AGBL4: variants seen among roughly 807,000 people sequenced by gnomAD.
AGBL4 encodes the protein cytosolic carboxypeptidase 6.
A neutral mutation model predicts 66.4 loss-of-function variants in AGBL4; 58 were observed. That is an observed-to-expected ratio of 0.87 (90% confidence interval 0.71 to 1.09). AGBL4 has a LOEUF of 1.09. Ranked by LOEUF, AGBL4 falls within the 50% of genes least tolerant of loss-of-function variation. AGBL4 has a pLI of 0.00. For synonymous variants in AGBL4, 234 were observed against 222.9 expected, an observed-to-expected ratio of 1.05 and a Z score of -0.44; for missense variants, 579 against 631.0, an observed-to-expected ratio of 0.92 and a Z score of 0.88.
intron 4 of AGBL4, among the ~76,000 whole-genome samples, chr1:49,222,025 G>C (rs1433662952): frequency 1.3e-5 from 2 of 152,124 alleles, no homozygotes; most frequent in Non-Finnish European, 2.9e-5. Context: ...ATTAGGGCCT[G>C]TCTGAATCAT....
intron 6 of AGBL4, among the ~76,000 whole-genome samples, chr1:48,783,772 T>A (rs1191568531): frequency 1.3e-5 from 2 of 152,164 alleles, no homozygotes; most frequent in African/African-American, 4.8e-5. Flanking sequence ...CATTGATTTT[T>A]TTTGTTGTTT....
At chr1:48,547,566 A>G (rs1453752800) in intron 11 of AGBL4, among the ~76,000 whole-genome samples, 1 of 152,202 alleles carries the variant, frequency 6.6e-6, no homozygotes, top group Non-Finnish European at 1.5e-5. Context: ...GCTATGAGAC[A>G]TTAAGTATCC....
chr1:48,698,928 C>G (rs940949159), intron 6 of AGBL4, among the ~76,000 whole-genome samples: 1 of 152,198 alleles, frequency 6.6e-6, no homozygotes, highest in African/African-American at 2.4e-5. Context: ...GCTAGCTGCC[C>G]TTAGAAGCTG....
intron 6 of AGBL4, among the ~76,000 whole-genome samples, chr1:48,864,231 A>G (rs1205088698): frequency 3.3e-5 from 5 of 152,284 alleles, no homozygotes; most frequent in South Asian, 2.1e-4. Context: ...TATAACAGCA[A>G]TAAGATACCA....
intron 4 of AGBL4, among the ~76,000 whole-genome samples, chr1:49,068,227 C>T (rs1644528226): frequency 6.6e-6 from 1 of 151,072 alleles, no homozygotes; most frequent in Admixed American, 6.6e-5. Flanking sequence ...GAAATATAAC[C>T]CTTTTTCTCT....
intron 2 of AGBL4, among the ~76,000 whole-genome samples, chr1:49,816,125 G>C (rs1185663106): frequency 1.3e-5 from 2 of 152,134 alleles, no homozygotes; most frequent in East Asian, 3.9e-4. Flanking sequence ...GGACTCAAGT[G>C]GTCCTTCTGC....
At chr1:49,322,698 G>T (rs1175882229) in intron 3 of AGBL4, among the ~76,000 whole-genome samples, 1 of 152,204 alleles carries the variant, frequency 6.6e-6, no homozygotes, top group Non-Finnish European at 1.5e-5. Context: ...GAGAGGCAAG[G>T]AAGGAATCTC....
rs1370577607 is a variant in AGBL4 at position 48,797,771 on chromosome 1, T to C, written c.634+69420A>G. Among the ~76,000 whole-genome samples, 21 of 152,164 alleles carry C rather than the reference T, an allele frequency of 1.4e-4. 1 individual carries two copies. Among genetic ancestry groups the C allele is most frequent in the Admixed American group, 1.4e-3 (21 of 15,278 alleles). On this transcript the variant is annotated intron_variant, in intron 6 of 13. Transcript: ENST00000371839. ...CATGTTGGCCAGGCTGGACTTGAAC[T>C]CTTGACCTCAAGTGATATGCCCACC... is the stretch of plus-strand genomic sequence containing the variant.
chr1:49,640,700 T>C (rs1028112034), intron 3 of AGBL4, among the ~76,000 whole-genome samples: 5 of 152,244 alleles, frequency 3.3e-5, no homozygotes, highest in Non-Finnish European at 5.9e-5. Flanking sequence ...GAGATCTCCA[T>C]AGAAGGCCTT....
intron 5 of AGBL4, among the ~76,000 whole-genome samples, chr1:49,006,505 C>G (rs1384560839): frequency 7.2e-5 from 11 of 152,302 alleles, no homozygotes; most frequent in East Asian, 1.9e-4. Context: ...CGGGGAAGCT[C>G]GAACTGGGTG....
chr1:48,717,168 CT>C (rs1279105011), intron 6 of AGBL4, among the ~76,000 whole-genome samples: 1 of 152,124 alleles, frequency 6.6e-6, no homozygotes, highest in Non-Finnish European at 1.5e-5. Flanking sequence ...GCCTTTTTTT[CT>C]TCTGGCCTCT....
chr1:49,831,513 A>C (rs1305385420), intron 2 of AGBL4, among the ~76,000 whole-genome samples: 1 of 152,208 alleles, frequency 6.6e-6, no homozygotes, highest in East Asian at 1.9e-4. Flanking sequence ...TTTGGGGCTG[A>C]CACAATGGGG....
intron 6 of AGBL4, among the ~76,000 whole-genome samples, chr1:48,770,771 C>T (rs1644780867): frequency 6.6e-6 from 1 of 152,210 alleles, no homozygotes; most frequent in Non-Finnish European, 1.5e-5. Flanking sequence ...ACCACATCAT[C>T]ATCATACACA....
chr1:49,346,311 G>A (rs1645632662), intron 3 of AGBL4, among the ~76,000 whole-genome samples: 1 of 152,148 alleles, frequency 6.6e-6, no homozygotes. Flanking sequence ...ACCAACCAGT[G>A]ATCTCTGGCT....
chr1:48,535,673 C>T (rs932802386), intron 12 of AGBL4, among the ~76,000 whole-genome samples: 4 of 152,176 alleles, frequency 2.6e-5, no homozygotes, highest in Non-Finnish European at 5.9e-5. Context: ...ACAGAATACC[C>T]TTTATCCCCT....
At chr1:49,990,765 T>C (rs1659881623) in intron 1 of AGBL4, among the ~76,000 whole-genome samples, 3 of 152,214 alleles carry the variant, frequency 2.0e-5, no homozygotes, top group African/African-American at 7.2e-5. Context: ...ACTATAAAAC[T>C]GATGATACTA....
intron 2 of AGBL4, among the ~76,000 whole-genome samples, chr1:49,787,381 T>C (rs1156856555): frequency 6.6e-6 from 1 of 151,736 alleles, no homozygotes; most frequent in Non-Finnish European, 1.5e-5. Flanking sequence ...CGGACGCCTG[T>C]AGTCCCAGCT....
intron 3 of AGBL4, among the ~76,000 whole-genome samples, chr1:49,385,220 T>C (rs1644711889): frequency 6.6e-6 from 1 of 152,174 alleles, no homozygotes. Flanking sequence ...AGAGATCTAA[T>C]GCACAACAAT....
Position 48,888,395 on chromosome 1 carries a change from G to T in AGBL4, c.595-21165C>A, listed in dbSNP as rs1650581456. ...CGCACTATCCTTCTGTCCGTTAGAG[G>T]AGTTCTGCCCCTTTCACCCACTTCC... On this transcript the variant is annotated intron_variant, in intron 5 of 13. Coordinates refer to ENST00000371839, the MANE Select transcript of AGBL4 (RefSeq NM_032785.4). 2.6e-5 allele frequency among the ~76,000 whole-genome samples: 4 copies of T among 152,212 alleles called. No homozygotes were observed. The South Asian group carries it at 8.3e-4, about 32-fold the overall frequency.
Sources: allele counts gnomAD v4.1 joint callset (sites outside exome capture counted in the v4.1 genomes callset), GRCh38; gene constraint gnomAD v4.1.1; transcripts MANE v1.5; gene names NCBI Gene and HGNC (gene_info 2026-07-23, HGNC 2026-07-21).